Variants in SHROOM3 observed in about 807,000 individuals in gnomAD.
SHROOM3 encodes the protein shroom family member 3, also known as protein Shroom3.
A neutral mutation model predicts 138.6 loss-of-function variants in SHROOM3; 47 were observed. That is an observed-to-expected ratio of 0.34 (90% confidence interval 0.27 to 0.43). The LOEUF (loss-of-function observed/expected upper bound fraction) is 0.43, where lower values mean the gene tolerates loss of function less well. Ranked by LOEUF, SHROOM3 falls within the 20% of genes least tolerant of loss-of-function variation. The pLI, the probability that SHROOM3 is intolerant of heterozygous loss-of-function variation, is 1.00. For missense variants in SHROOM3, 2,491 were observed against 2,596.5 expected, an observed-to-expected ratio of 0.96 and a Z score of 0.88; for synonymous variants, 1,062 against 1,063.3, an observed-to-expected ratio of 1.00 and a Z score of 0.02.
Position 76,740,346 on chromosome 4 carries a change from C to A in SHROOM3, c.2173C>A (p.Pro725Thr), listed in dbSNP as rs1169924318. The change falls in exon 5 of 11, where the codon CCC becomes ACC. Residue 725 changes from proline (P) to threonine (T), a missense_variant. Physicochemically the swap from Pro to Thr is conservative, Grantham distance 38. Around this residue, in one of 4 missense-constraint regions of SHROOM3, gnomAD observed 1,733 missense variants for 1,661.6 expected, o/e 1.04. Coordinates refer to ENST00000296043, the MANE Select transcript of SHROOM3 (RefSeq NM_020859.4). This position sits in a 1 kb window ranked among gnomAD's most constrained non-coding sequence, Gnocchi z 4.0. ...HLDRQVSYPRPEGRTGASASF... is the reference protein window; with the variant it reads ...HLDRQVSYPRTEGRTGASASF... ...GGACCGGCAGGTTTCCTACCCGCGGCCCGAGGGGAGGACCGGTGCCTCGGC... is the reference window on the plus strand; with the variant it reads ...GGACCGGCAGGTTTCCTACCCGCGGACCGAGGGGAGGACCGGTGCCTCGGC... 1.9e-6 allele frequency: 3 copies of A among 1,613,086 alleles called. No homozygotes were observed. The highest frequency in any genetic ancestry group is 1.1e-5 in the South Asian group (1 of 91,088).
chr4:76,498,555 A>T (rs1271521661), intron 1 of SHROOM3, among the ~76,000 whole-genome samples: 3 of 152,138 alleles, frequency 2.0e-5, no homozygotes, highest in African/African-American at 4.8e-5. Flanking sequence ...TGTTTTCATT[A>T]ACGCTACCTT....
rs878908761 is a variant in SHROOM3, at chr4:76,756,853, G to A, written c.5114G>A (p.Arg1705Gln). 12 of 1,614,012 alleles carry A rather than the reference G, an allele frequency of 7.4e-6. No homozygotes were observed. The highest frequency in any genetic ancestry group is 2.2e-5 in the East Asian group (1 of 44,890). Reference protein sequence around the residue: ...TMDLMEGLFPRDVNLLKENSV... With the variant: ...TMDLMEGLFPQDVNLLKENSV... The stretch of plus-strand genomic sequence containing the variant: ...GACCTGATGGAAGGTTTGTTTCCCC[G>A]AGATGTGAACTTGCTGAAGGAAAAC... Residue 1705 changes from arginine to glutamine, a missense_variant, in exon 8 of 11, where the codon CGA becomes CAA. By Grantham distance (43) the Arg-to-Gln change is conservative. Coordinates refer to ENST00000296043, the MANE Select transcript of SHROOM3 (RefSeq NM_020859.4).
chr4:76,709,434 T>C (rs1388454960), intron 2 of SHROOM3, among the ~76,000 whole-genome samples: 1 of 152,228 alleles, frequency 6.6e-6, no homozygotes, highest in African/African-American at 2.4e-5. Context: ...TCATGACCTG[T>C]CACTGTCCTA....
intron 1 of SHROOM3, among the ~76,000 whole-genome samples, chr4:76,457,533 C>G (rs1579166376): frequency 6.6e-6 from 1 of 150,894 alleles, no homozygotes; most frequent in Admixed American, 6.6e-5. Flanking sequence ...CGCTCTGTCT[C>G]CAGGCTGGAG....
chr4:76,438,394 G>A (rs1730602823), intron 1 of SHROOM3, among the ~76,000 whole-genome samples: 1 of 152,176 alleles, frequency 6.6e-6, no homozygotes, highest in Non-Finnish European at 1.5e-5. Flanking sequence ...AATGTGCTCT[G>A]TCCAATATGG....
Position 76,730,937 on chromosome 4 carries a change from T to C in SHROOM3, c.587+2T>C. 6.2e-7 allele frequency: 1 copy of C among 1,614,062 alleles called. No homozygotes were observed. ...TTGGCACCAAAGCTACCATTCCAGG[T>C]AAGTGGCTATAGCTGAGACTGAAGG... On this transcript the variant is annotated splice_donor_variant, in intron 4 of 10. Transcript: ENST00000296043. LOFTEE classifies it high-confidence loss of function.
chr4:76,437,025 A>T (rs923076665), intron 1 of SHROOM3, among the ~76,000 whole-genome samples: 1 of 152,182 alleles, frequency 6.6e-6, no homozygotes, highest in African/African-American at 2.4e-5. Context: ...GGGAGAAAAA[A>T]TTTTTAATTT....
intron 2 of SHROOM3, among the ~76,000 whole-genome samples, chr4:76,639,879 T>A (rs1241705972): frequency 6.6e-6 from 1 of 152,244 alleles, no homozygotes; most frequent in East Asian, 1.9e-4. Context: ...GAATCTTATT[T>A]CTGCAAACTT....
chr4:76,651,401 AAT>A lies in SHROOM3; in HGVS notation c.324-58711_324-58710del, dbSNP rs33994270. 9.7e-3 allele frequency among the ~76,000 whole-genome samples: 836 copies of A among 86,472 alleles called. 2 individuals are homozygous for A. The highest frequency in any genetic ancestry group is 0.015 in the African/African-American group (358 of 23,614). The allele number at this position is 86,472 out of a possible 152,430, so 56.7% of individuals were successfully genotyped here. A position where few individuals can be genotyped will look rare whatever the true frequency, so the allele number is the denominator to read the frequency against. ...ATTAACACATCTCATGTAACCCATA[AAT>A]ATATATATATATATATATATATATA... is the stretch of plus-strand genomic sequence containing the variant. On this transcript the variant is annotated intron_variant, in intron 2 of 10. Coordinates refer to ENST00000296043, the MANE Select transcript of SHROOM3 (RefSeq NM_020859.4).
intron 2 of SHROOM3, among the ~76,000 whole-genome samples, chr4:76,643,327 CT>C (rs1489628112): frequency 6.6e-6 from 1 of 152,060 alleles, no homozygotes; most frequent in Non-Finnish European, 1.5e-5. Flanking sequence ...CAGAACACCC[CT>C]TTGTAGTATT....
intron 2 of SHROOM3, among the ~76,000 whole-genome samples, chr4:76,581,535 A>G (rs891775581): frequency 2.0e-5 from 3 of 152,180 alleles, no homozygotes; most frequent in African/African-American, 7.2e-5. Context: ...TGGAGCCATT[A>G]TCTCATCAAA....
Position 76,461,021 on chromosome 4 carries a change from A to T in SHROOM3, c.168+24801A>T, listed in dbSNP as rs993598462. Among the ~76,000 whole-genome samples, 35 of 123,534 alleles carry T rather than the reference A, an allele frequency of 2.8e-4. No homozygotes were observed. The East Asian group carries it at 3.9e-3, about 14-fold the overall frequency. The allele number at this position is 123,534 out of a possible 152,430, so 81.0% of individuals were successfully genotyped here. On this transcript the variant is annotated intron_variant, in intron 1 of 10. Coordinates refer to ENST00000296043, the MANE Select transcript of SHROOM3 (RefSeq NM_020859.4). ...GAAAAAATACAAATAAAAAAAATTT[A>T]AAAAAAAAAAGAAGAAAAAGCAATT...
chr4:76,588,901 CA>C (rs34293919), intron 2 of SHROOM3, among the ~76,000 whole-genome samples: 58,679 of 150,404 alleles, frequency 0.39, 11,738 homozygotes, highest in East Asian at 0.54. Flanking sequence ...AAAAAATAAA[CA>C]AAAAAAAAAT....
intron 2 of SHROOM3, among the ~76,000 whole-genome samples, chr4:76,609,315 G>A (rs1390121984): frequency 6.6e-6 from 1 of 152,130 alleles, no homozygotes; most frequent in Non-Finnish European, 1.5e-5. Flanking sequence ...TTGGAGACAG[G>A]ATCTTGCTCT....
chr4:76,447,838 A>C (rs1730845052), intron 1 of SHROOM3, among the ~76,000 whole-genome samples: 1 of 152,112 alleles, frequency 6.6e-6, no homozygotes, highest in African/African-American at 2.4e-5. Flanking sequence ...CCTTGAAAGC[A>C]TTACTATCAC....
intron 1 of SHROOM3, among the ~76,000 whole-genome samples, chr4:76,475,450 C>T (rs1191466839): frequency 1.3e-5 from 2 of 152,182 alleles, no homozygotes; most frequent in Non-Finnish European, 2.9e-5. Context: ...TGGCAGAAGA[C>T]ACAAGACTTT....
At chr4:76,561,016 T>G (rs547371192) in intron 2 of SHROOM3, among the ~76,000 whole-genome samples, 91 of 152,354 alleles carry the variant, frequency 6.0e-4, no homozygotes, top group Non-Finnish European at 1.1e-3. Flanking sequence ...TTTGACAAGT[T>G]CCACCTTAAT....
chr4:76,661,495 G>A (rs1233233576), intron 2 of SHROOM3, among the ~76,000 whole-genome samples: 2 of 151,944 alleles, frequency 1.3e-5, no homozygotes, highest in Non-Finnish European at 2.9e-5. Context: ...CTCCCAAAGC[G>A]CTGGGTGGGA....
At chr4:76,769,476 T>C (rs922145105) in intron 9 of SHROOM3, among the ~76,000 whole-genome samples, 1 of 152,142 alleles carries the variant, frequency 6.6e-6, no homozygotes, top group East Asian at 1.9e-4. Flanking sequence ...GTAGACAATA[T>C]AAATGAATTC....
Sources: allele counts gnomAD v4.1 joint callset (sites outside exome capture counted in the v4.1 genomes callset), GRCh38; gene constraint gnomAD v4.1.1; regional missense constraint gnomAD v4.1.1; non-coding constraint Gnocchi (gnomAD v3.1); transcripts MANE v1.5; gene names NCBI Gene and HGNC (gene_info 2026-07-23, HGNC 2026-07-21).